The following ANKRD27 variants were observed in gnomAD, a reference collection of about 807,000 sequenced individuals.
ANKRD27 encodes ankyrin repeat domain 27.
Under a neutral mutation model 129.7 loss-of-function variants are expected in ANKRD27, and 112 were observed. That is an observed-to-expected ratio of 0.86 (90% CI 0.74 to 1.01). The LOEUF is 1.01. ANKRD27 is among the 50% of genes least tolerant of loss of function. ANKRD27 has a pLI of 0.00. For synonymous variants in ANKRD27, 516 were observed against 511.2 expected (o/e 1.01, Z -0.13); for missense variants, 1,258 against 1,300.5 (o/e 0.97, Z 0.50).
chr19:32,603,814 C>T (rs1340284440), intron 25 of ANKRD27, among the ~76,000 whole-genome samples: 1 of 152,170 alleles, frequency 6.6e-6, no homozygotes, highest in Non-Finnish European at 1.5e-5. Flanking sequence ...GCTGGGATTA[C>T]AGGCATGAGC....
In ANKRD27 at chr19:32,626,850, G is replaced by A. The variant is rs781442465; in HGVS notation, c.1421-23C>T. The A allele has an allele frequency of 3.2e-5, 50 of 1,561,180 alleles. No homozygotes were observed. In the South Asian group the frequency reaches 3.8e-4, roughly 12 times the overall value. ...GCCCTGCAGAGCAGAAGGACGTCAC[G>A]ATGGAGAAGGAAGGCGCAGAGGCCT... On this transcript the variant is annotated intron_variant, in intron 15 of 28. Coordinates refer to ENST00000306065, the MANE Select transcript of ANKRD27 (RefSeq NM_032139.3).
rs187781177 is a variant in ANKRD27, at chr19:32,604,976, G to A, written c.2494-552C>T. On this transcript the variant is annotated intron_variant, in intron 24 of 28. Transcript: ENST00000306065. Reference sequence around the variant, plus strand: ...AGTTCCAGCTATTCGGGAGGCTGAGGCAGGAGAATCGCTTGAACCCCGGAG... The same window carrying A: ...AGTTCCAGCTATTCGGGAGGCTGAGACAGGAGAATCGCTTGAACCCCGGAG... Among the ~76,000 whole-genome samples the A allele has an allele frequency of 2.6e-4, 39 of 152,282 alleles. 1 individual carries two copies. The East Asian group carries it at 6.4e-3, about 25-fold the overall frequency.
intron 1 of ANKRD27, among the ~76,000 whole-genome samples, chr19:32,674,073 C>G (rs1280492021): frequency 6.6e-6 from 1 of 151,924 alleles, no homozygotes; most frequent in Non-Finnish European, 1.5e-5. Context: ...GAAAGGATTG[C>G]TTGAGTCCAG....
At chr19:32,661,643 A>G (rs1009318010) in intron 1 of ANKRD27, among the ~76,000 whole-genome samples, 1 of 152,144 alleles carries the variant, frequency 6.6e-6, no homozygotes, top group Non-Finnish European at 1.5e-5. Context: ...GTGCCTGGCC[A>G]GAAGTTTTGA....
chr19:32,598,055 G>A lies in ANKRD27; in HGVS notation c.*90C>T, dbSNP rs1217187569. On this transcript the variant is annotated 3_prime_UTR_variant, in exon 29 of 29. Coordinates refer to ENST00000306065, the MANE Select transcript of ANKRD27 (RefSeq NM_032139.3). ...GACTTCTCAAGCCAGTCTCATGGAA[G>A]CACATTTAGTTCTCAGATGTGTTCA... The A allele has an allele frequency of 8.3e-7, 1 of 1,203,872 alleles. No homozygotes were observed. Among genetic ancestry groups the A allele is most frequent in the Non-Finnish European group, 1.2e-6 (1 of 824,638 alleles). The allele number at this position is 1,203,872 out of a possible 1,614,324, so 74.6% of individuals were successfully genotyped here.
intron 2 of ANKRD27, among the ~76,000 whole-genome samples, chr19:32,650,678 TA>T (rs929043931): frequency 0.013 from 1,713 of 128,664 alleles, 28 homozygotes; most frequent in African/African-American, 0.04. Flanking sequence ...ACTCTGTCTT[TA>T]AAAAAAAAAA....
At chr19:32,672,903 T>G (rs1967899816) in intron 1 of ANKRD27, 1 of 152,160 alleles carries the variant, frequency 6.6e-6, no homozygotes, top group Non-Finnish European at 1.5e-5. Flanking sequence ...GCTGAATCCT[T>G]TCTAGGATTG....
At chr19:32,641,767 C>CTTTTT (rs757141453) in intron 10 of ANKRD27, among the ~76,000 whole-genome samples, 1 of 21,190 alleles carries the variant, frequency 4.7e-5, no homozygotes, top group Non-Finnish European at 8.9e-5. Context: ...TTTACTTCTT[C>CTTTTT]TTTTTTTTTT....
chr19:32,624,631 G>A (rs761014098), intron 17 of ANKRD27, among the ~76,000 whole-genome samples: 5 of 152,100 alleles, frequency 3.3e-5, no homozygotes, highest in Admixed American at 2.0e-4. Context: ...TGGAAATTAC[G>A]CAATTCTTGG....
intron 10 of ANKRD27, 93 bp from the exon 11 acceptor site, chr19:32,640,478 C>T (rs1967177874): frequency 9.7e-7 from 1 of 1,026,934 alleles, no homozygotes; most frequent in Non-Finnish European, 1.5e-6. Context: ...CTTGTGAAAC[C>T]ACGTATCAGG....
Position 32,598,039 on chromosome 19 carries a change from A to C in ANKRD27, c.*106T>G. The C allele has an allele frequency of 9.2e-7, 1 of 1,083,132 alleles. No individual in the cohort carries two copies. The highest frequency in any genetic ancestry group is 1.4e-6 in the Non-Finnish European group (1 of 728,882). 67.1% of individuals were successfully genotyped at this position (1,083,132 alleles called of 1,614,324 possible). On this transcript the variant is annotated 3_prime_UTR_variant, in exon 29 of 29. Coordinates refer to ENST00000306065, the MANE Select transcript of ANKRD27 (RefSeq NM_032139.3). ...GGAACTTGGTGCTGAAGACTTCTCAAGCCAGTCTCATGGAAGCACATTTAG... is the reference window on the plus strand; with the variant it reads ...GGAACTTGGTGCTGAAGACTTCTCACGCCAGTCTCATGGAAGCACATTTAG...
At chr19:32,666,936 C>G (rs919814718) in intron 1 of ANKRD27, among the ~76,000 whole-genome samples, 1 of 152,142 alleles carries the variant, frequency 6.6e-6, no homozygotes, top group African/African-American at 2.4e-5. Flanking sequence ...CGTGAGCCAC[C>G]ATGCCCAGCC....
At chr19:32,653,067 T>TAA (rs1395076251) in intron 2 of ANKRD27, among the ~76,000 whole-genome samples, 1 of 152,234 alleles carries the variant, frequency 6.6e-6, no homozygotes, top group Non-Finnish European at 1.5e-5. Context: ...TCTGTCCTGA[T>TAA]ATTCCTCTGG....
chr19:32,656,807 G>A (rs556053641), intron 2 of ANKRD27, among the ~76,000 whole-genome samples: 305 of 148,262 alleles, frequency 2.1e-3, no homozygotes, highest in Non-Finnish European at 3.8e-3. Flanking sequence ...AAAAAAAAGA[G>A]TGATGTGTGT....
chr19:32,603,351 T>C (rs1321869689), intron 25 of ANKRD27, among the ~76,000 whole-genome samples: 3 of 152,150 alleles, frequency 2.0e-5, no homozygotes, highest in Non-Finnish European at 2.9e-5. Context: ...TTCTCAGTTG[T>C]GTCACTTAAC....
At chr19:32,601,743 G>C (rs2063075867) in intron 26 of ANKRD27, among the ~76,000 whole-genome samples, 1 of 152,044 alleles carries the variant, frequency 6.6e-6, no homozygotes. Context: ...CATCTCCATA[G>C]GCAGACACCT....
At chr19:32,661,119 T>C (rs1165151005) in intron 1 of ANKRD27, among the ~76,000 whole-genome samples, 3 of 151,216 alleles carry the variant, frequency 2.0e-5, no homozygotes, top group African/African-American at 4.9e-5. Context: ...GAGAATCACT[T>C]GAGCCCAGGA....
intron 2 of ANKRD27, among the ~76,000 whole-genome samples, 166 bp downstream of exon 2, chr19:32,658,748 G>A (rs924393756): frequency 6.6e-6 from 1 of 152,190 alleles, no homozygotes; most frequent in African/African-American, 2.4e-5. Flanking sequence ...GCTTCCTGGA[G>A]GGAGCGGCTC....
At position 32,628,907 on chromosome 19, in the gene ANKRD27, T is replaced by G; in HGVS notation, c.1210-58A>C. 6 of 1,596,980 alleles carry G rather than the reference T, an allele frequency of 3.8e-6. No individual in the cohort carries two copies. In the South Asian group the frequency reaches 6.7e-5, roughly 18 times the overall value. Reference sequence around the variant, plus strand: ...GCTGGAATTACTCAATTATTAGGAGTAAATTTTTTGAGAGTCCTTTTTGGT... The same window carrying G: ...GCTGGAATTACTCAATTATTAGGAGGAAATTTTTTGAGAGTCCTTTTTGGT... On this transcript the variant is annotated intron_variant, in intron 13 of 28. Transcript: ENST00000306065.
Sources: allele counts gnomAD v4.1 joint callset (sites outside exome capture counted in the v4.1 genomes callset), GRCh38; gene constraint gnomAD v4.1.1; transcripts MANE v1.5; gene names NCBI Gene and HGNC (gene_info 2026-07-23, HGNC 2026-07-21).